CCSER1: variants seen among roughly 807,000 people sequenced by gnomAD.
CCSER1 encodes the protein serine-rich coiled-coil domain-containing protein 1.
In CCSER1, 41 loss-of-function variants were observed where a neutral mutation model predicts 82.0. The ratio of observed to expected loss-of-function variants is 0.50; its 90% confidence interval spans 0.39 to 0.65. The LOEUF (loss-of-function observed/expected upper bound fraction) is 0.65. Ranked by LOEUF, CCSER1 falls within the 30% of genes least tolerant of loss-of-function variation. CCSER1 has a pLI of 0.00. For missense variants in CCSER1, 1,119 were observed against 1,064.2 expected (o/e 1.05, Z -0.72); for synonymous variants, 414 against 383.9 (o/e 1.08, Z -0.92).
chr4:90,724,419 A>C (rs1442015952), intron 7 of CCSER1, among the ~76,000 whole-genome samples: 1 of 151,962 alleles, frequency 6.6e-6, no homozygotes, highest in Admixed American at 6.6e-5. Context: ...AGTCAAAATC[A>C]AGAGTTGAAA....
intron 9 of CCSER1, among the ~76,000 whole-genome samples, chr4:90,998,062 T>TTTTTA (rs1002750341): frequency 1.4e-4 from 22 of 152,154 alleles, no homozygotes; most frequent in East Asian, 7.7e-4. Context: ...ACTCGCTTCT[T>TTTTTA]TTTTATTTTA....
intron 5 of CCSER1, among the ~76,000 whole-genome samples, chr4:90,521,004 T>A (rs1773039794): frequency 6.6e-6 from 1 of 152,238 alleles, no homozygotes; most frequent in Non-Finnish European, 1.5e-5. Flanking sequence ...AAGCTAGATG[T>A]AGCATAATTA....
intron 5 of CCSER1, among the ~76,000 whole-genome samples, chr4:90,578,723 A>G (rs1357275205): frequency 1.3e-5 from 2 of 152,150 alleles, no homozygotes; most frequent in Non-Finnish European, 1.5e-5. Context: ...GTATTAGGAC[A>G]TGGCCATATT....
chr4:91,199,045 A>C (rs939832853), intron 10 of CCSER1, among the ~76,000 whole-genome samples: 1 of 152,176 alleles, frequency 6.6e-6, no homozygotes, highest in African/African-American at 2.4e-5. Flanking sequence ...AAGTTGAAAA[A>C]GAATTGCCAT....
chr4:90,265,855 A>G (rs1188615070), intron 1 of CCSER1, among the ~76,000 whole-genome samples: 3 of 152,226 alleles, frequency 2.0e-5, no homozygotes, highest in South Asian at 4.1e-4. Flanking sequence ...TGACAATCAC[A>G]TCCTGAGACT....
intron 4 of CCSER1, among the ~76,000 whole-genome samples, chr4:90,465,627 G>A (rs1763524200): frequency 6.6e-6 from 1 of 152,128 alleles, no homozygotes; most frequent in Non-Finnish European, 1.5e-5. Flanking sequence ...GGGGAGACAA[G>A]GAAGCAATGC....
rs141429677 is a variant in CCSER1, at chr4:91,399,238, A to C, written c.2218-199334A>C. On this transcript the variant is annotated intron_variant, in intron 10 of 10. Transcript: ENST00000509176. ...CATGATAATTAACTTACTCCTTCAG[A>C]AAATGCTGGATACTTATAAATTCAC... Among the ~76,000 whole-genome samples, 570 of 151,998 alleles carry C rather than the reference A, an allele frequency of 3.8e-3. 2 individuals are homozygous for C. Among genetic ancestry groups the C allele is most frequent in the African/African-American group, 0.013 (554 of 41,528 alleles).
intron 9 of CCSER1, among the ~76,000 whole-genome samples, chr4:91,034,802 AT>A (rs112592491): frequency 2.0e-5 from 3 of 152,114 alleles, no homozygotes; most frequent in African/African-American, 7.2e-5. Context: ...ATTCCTTATT[AT>A]TTTTTGTGTC....
At chr4:90,823,960 G>A (rs901038684) in intron 8 of CCSER1, among the ~76,000 whole-genome samples, 2 of 151,274 alleles carry the variant, frequency 1.3e-5, no homozygotes, top group East Asian at 1.9e-4. Flanking sequence ...TTTCTTTTCT[G>A]GCCATTATTA....
intron 10 of CCSER1, among the ~76,000 whole-genome samples, chr4:91,258,921 T>A (rs1017238564): frequency 1.3e-5 from 2 of 152,142 alleles, no homozygotes; most frequent in Non-Finnish European, 2.9e-5. Flanking sequence ...TACAGTACTA[T>A]GTTTCTTCCT....
intron 10 of CCSER1, among the ~76,000 whole-genome samples, chr4:91,292,549 G>A (rs2149220985): frequency 6.6e-6 from 1 of 151,948 alleles, no homozygotes; most frequent in East Asian, 1.9e-4. Flanking sequence ...CAAATAATTA[G>A]ATATAATTGG....
At chr4:91,392,986 C>T (rs1751755765) in intron 10 of CCSER1, among the ~76,000 whole-genome samples, 1 of 151,998 alleles carries the variant, frequency 6.6e-6, no homozygotes. Flanking sequence ...GTATTTTTAA[C>T]AAGTTCTCAG....
intron 1 of CCSER1, among the ~76,000 whole-genome samples, chr4:90,206,408 C>T (rs954566513): frequency 2.6e-5 from 4 of 152,122 alleles, no homozygotes; most frequent in African/African-American, 9.7e-5. Context: ...TCTTGGTTCT[C>T]ATTGGTTTCA....
chr4:90,157,730 C>T (rs1009790231), intron 1 of CCSER1, among the ~76,000 whole-genome samples: 1 of 152,004 alleles, frequency 6.6e-6, no homozygotes, highest in African/African-American at 2.4e-5. Flanking sequence ...TCCATCAGCT[C>T]CTTTAAGCAC....
At chr4:90,477,223 C>T (rs143337943) in intron 5 of CCSER1, among the ~76,000 whole-genome samples, 1 of 152,294 alleles carries the variant, frequency 6.6e-6, no homozygotes, top group Non-Finnish European at 1.5e-5. Context: ...TGATTTTCTA[C>T]TTTTCCCCTT....
chr4:91,371,890 T>C (rs1029427925), intron 10 of CCSER1, among the ~76,000 whole-genome samples: 2 of 152,038 alleles, frequency 1.3e-5, no homozygotes, highest in Admixed American at 6.6e-5. Context: ...CCCAAGACTT[T>C]ATAAAAAGAA....
chr4:91,234,920 T>C (rs1445833709), intron 10 of CCSER1, among the ~76,000 whole-genome samples: 1 of 152,040 alleles, frequency 6.6e-6, no homozygotes, highest in East Asian at 1.9e-4. Context: ...CAATCATTTG[T>C]GGTATGATTA....
chr4:90,377,836 C>A (rs1015543952), intron 3 of CCSER1, among the ~76,000 whole-genome samples: 2 of 151,962 alleles, frequency 1.3e-5, no homozygotes, highest in Non-Finnish European at 2.9e-5. Context: ...GATAAATTAA[C>A]TGTGGGTGGA....
chr4:91,496,374 CTATAT>C (rs1578617534), intron 10 of CCSER1, among the ~76,000 whole-genome samples: 1 of 150,252 alleles, frequency 6.7e-6, no homozygotes, highest in African/African-American at 2.4e-5. Flanking sequence ...GTATAAAATG[CTATAT>C]TATAACAGTT....
Sources: allele counts gnomAD v4.1 joint callset (sites outside exome capture counted in the v4.1 genomes callset), GRCh38; gene constraint gnomAD v4.1.1; transcripts MANE v1.5; gene names NCBI Gene and HGNC (gene_info 2026-07-23, HGNC 2026-07-21).